The following ABI3BP variants were observed in gnomAD, a reference collection of about 807,000 sequenced individuals.
ABI3BP encodes the protein ABI family member 3 binding protein.
ABI3BP carries 216 observed loss-of-function variants against 268.6 expected under a neutral mutation model. The observed-to-expected ratio is 0.80, with a 90% confidence interval of 0.72 to 0.90. ABI3BP has a LOEUF of 0.90. ABI3BP is among the 40% of genes least tolerant of loss of function. The probability of loss-of-function intolerance (pLI) is 0.00; values close to 1 mark genes in which losing one functional copy is unlikely to be tolerated. For missense variants in ABI3BP, 2,090 were observed against 2,182.4 expected, an observed-to-expected ratio of 0.96 and a Z score of 0.84; for synonymous variants, 730 against 730.0, an observed-to-expected ratio of 1.00 and a Z score of 0.00.
intron 4 of ABI3BP, 136 bp from the exon 5 acceptor site, chr3:100,886,459 A>T: frequency 6.8e-6 from 4 of 584,866 alleles, no homozygotes; most frequent in Non-Finnish European, 1.0e-5. Flanking sequence ...ATTTTTAAAA[A>T]ATTTGCAGAG....
intron 4 of ABI3BP, among the ~76,000 whole-genome samples, chr3:100,893,619 G>C (rs1426675097): frequency 2.0e-5 from 3 of 152,060 alleles, no homozygotes; most frequent in African/African-American, 7.2e-5. Context: ...CAACTAGTGA[G>C]AAGGGATGAG....
At chr3:100,772,532 G>A (rs2096577240) in intron 61 of ABI3BP, among the ~76,000 whole-genome samples, 1 of 152,124 alleles carries the variant, frequency 6.6e-6, no homozygotes, top group African/African-American at 2.4e-5. Flanking sequence ...TCACTAGACG[G>A]CAGATTGTGA....
At chr3:100,755,971 GAGC>G (rs2095596357) in intron 63 of ABI3BP, among the ~76,000 whole-genome samples, 1 of 151,202 alleles carries the variant, frequency 6.6e-6, no homozygotes, top group African/African-American at 2.5e-5. Flanking sequence ...GGTACTAAAT[GAGC>G]AGGAAAAAAA....
chr3:100,946,657 G>A (rs1390760468), intron 1 of ABI3BP, among the ~76,000 whole-genome samples: 1 of 151,842 alleles, frequency 6.6e-6, no homozygotes, highest in African/African-American at 2.4e-5. Flanking sequence ...GCGTGGTGGT[G>A]CATGCCTGTA....
chr3:100,917,018 C>G (rs1046992705), intron 2 of ABI3BP, among the ~76,000 whole-genome samples: 2 of 152,168 alleles, frequency 1.3e-5, no homozygotes, highest in African/African-American at 4.8e-5. Flanking sequence ...TATATAGTTA[C>G]TTTACTAATA....
chr3:100,753,888 A>G (rs2095474381), intron 64 of ABI3BP, 40 bp from the exon 65 acceptor site: 1 of 1,587,720 alleles, frequency 6.3e-7, no homozygotes, highest in Admixed American at 1.8e-5. Context: ...CTTACTAGGT[A>G]AAACCCCAAC....
chr3:100,784,404 A>G (rs1054082665), intron 57 of ABI3BP, among the ~76,000 whole-genome samples: 5 of 152,182 alleles, frequency 3.3e-5, no homozygotes, highest in Admixed American at 1.3e-4. Context: ...ATGTAGGGAA[A>G]AGGGGCCACT....
In ABI3BP at chr3:100,801,804, T is replaced by G. The variant is rs368440833; in HGVS notation, c.3757+2988A>C. Among the ~76,000 whole-genome samples, 23 of 152,312 alleles carry G rather than the reference T, an allele frequency of 1.5e-4. No homozygotes were observed. The South Asian group carries it at 4.6e-3, about 30-fold the overall frequency. On this transcript the variant is annotated intron_variant, in intron 51 of 67. Transcript: ENST00000471714. ...ATAATGAAACATTGTAGAATTGTAA[T>G]GATAACAGTATGATCTTAAGGAGGC...
At chr3:100,876,212 A>G (rs952034043) in intron 7 of ABI3BP, among the ~76,000 whole-genome samples, 1 of 152,194 alleles carries the variant, frequency 6.6e-6, no homozygotes, top group African/African-American at 2.4e-5. Flanking sequence ...TTCGGGTATG[A>G]CAACTTAATC....
intron 6 of ABI3BP, among the ~76,000 whole-genome samples, chr3:100,881,036 C>T (rs1436941): frequency 0.71 from 107,268 of 151,992 alleles, 38,870 homozygotes; most frequent in Non-Finnish European, 0.78. Context: ...TAATTCACTT[C>T]TAGGATGTTC....
chr3:100,791,205 T>C (rs1473210953), intron 55 of ABI3BP, among the ~76,000 whole-genome samples: 1 of 151,928 alleles, frequency 6.6e-6, no homozygotes, highest in African/African-American at 2.4e-5. Context: ...GTGAAATTTA[T>C]ATTTAATACA....
In ABI3BP at chr3:100,780,172, T is replaced by C. The variant is rs1440552379; in HGVS notation, c.4200A>G (p.Arg1400=). The C allele has an allele frequency of 6.2e-7, 1 of 1,613,088 alleles. No individual in the cohort carries two copies. ...KQAPRPSGAD[R]NVSVDSTHPT... Reference sequence around the variant, plus strand: ...GGTGGGTAGAGTCCACTGATACATTTCTATCAGCACCTGATGGCCTGGGTG... The same window carrying C: ...GGTGGGTAGAGTCCACTGATACATTCCTATCAGCACCTGATGGCCTGGGTG... The change falls in exon 58 of 68, where the codon AGA becomes AGG. Residue 1400 remains arginine (R), a synonymous_variant. Coordinates refer to ENST00000471714, the MANE Select transcript of ABI3BP (RefSeq NM_001375547.2).
intron 40 of ABI3BP, among the ~76,000 whole-genome samples, chr3:100,819,699 C>G (rs2098150191): frequency 6.6e-6 from 1 of 151,926 alleles, no homozygotes; most frequent in Non-Finnish European, 1.5e-5. Context: ...CACCTGTAAT[C>G]CCAGCACTTT....
intron 2 of ABI3BP, among the ~76,000 whole-genome samples, chr3:100,919,581 T>G (rs1271901531): frequency 6.6e-6 from 1 of 152,244 alleles, no homozygotes; most frequent in Non-Finnish European, 1.5e-5. Flanking sequence ...AACTTTGCTT[T>G]TAAATTTTTG....
Position 100,863,186 on chromosome 3 carries a change from T to C in ABI3BP, c.1139-277A>G, listed in dbSNP as rs376197021. The C allele has an allele frequency of 1.4e-4, 44 of 320,518 alleles. No homozygotes were observed. In the East Asian group the frequency reaches 1.9e-3, roughly 14 times the overall value. 19.9% of individuals were successfully genotyped at this position (320,518 alleles called of 1,614,324 possible). A position where few individuals can be genotyped will look rare whatever the true frequency, so the allele number is the denominator to read the frequency against. On this transcript the variant is annotated intron_variant, in intron 12 of 67. Transcript: ENST00000471714. ...TTGCTGATTTCTTCAGCTATGTTTA[T>C]GTGTGTTCTTAAATATATTTCATTT...
chr3:100,821,756 C>A (rs553090210), intron 38 of ABI3BP, among the ~76,000 whole-genome samples: 1 of 151,894 alleles, frequency 6.6e-6, no homozygotes, highest in Non-Finnish European at 1.5e-5. Flanking sequence ...GCACCCACCA[C>A]CATGCCCAGC....
intron 51 of ABI3BP, among the ~76,000 whole-genome samples, chr3:100,800,543 G>A (rs1262349517): frequency 4.6e-5 from 7 of 151,592 alleles, no homozygotes; most frequent in South Asian, 2.1e-4. Flanking sequence ...GTGTGATCTC[G>A]GCTCACTGCA....
rs540570580 is a variant in ABI3BP at position 100,983,759 on chromosome 3, G to A, written c.79+9547C>T. 5.9e-5 allele frequency among the ~76,000 whole-genome samples: 9 copies of A among 152,198 alleles called. 1 individual carries two copies. The South Asian group carries it at 1.9e-3, about 32-fold the overall frequency. Reference sequence around the variant, plus strand: ...AAAAATATTAATTAAATGACAAAATGAATAAATGTAAGTCCATTCTTAAAA... The same window carrying A: ...AAAAATATTAATTAAATGACAAAATAAATAAATGTAAGTCCATTCTTAAAA... On this transcript the variant is annotated intron_variant, in intron 1 of 67. Coordinates refer to ENST00000471714, the MANE Select transcript of ABI3BP (RefSeq NM_001375547.2).
intron 1 of ABI3BP, among the ~76,000 whole-genome samples, chr3:100,960,085 T>C (rs1485838380): frequency 1.3e-5 from 2 of 152,134 alleles, no homozygotes; most frequent in East Asian, 3.8e-4. Context: ...GAATTTAAAA[T>C]AACTATGATA....
Sources: gnomAD v4.1 joint callset for allele counts (sites outside exome capture counted in the v4.1 genomes callset) on GRCh38, gnomAD v4.1.1 for gene constraint, MANE v1.5 for transcripts, NCBI Gene and HGNC (gene_info 2026-07-23, HGNC 2026-07-21) for gene names.